Variants in PXK observed in about 807,000 individuals in gnomAD.
PXK encodes the protein PX domain-containing protein kinase-like protein.
Under a neutral mutation model 84.7 loss-of-function variants are expected in PXK, and 35 were observed. The observed-to-expected ratio is 0.41, with a 90% CI of 0.32 to 0.55. PXK has a LOEUF of 0.55. PXK is among the 20% of genes least tolerant of loss of function. The pLI, the probability that PXK is intolerant of heterozygous loss-of-function variation, is 0.21. For missense variants in PXK, 634 were observed against 699.7 expected (o/e 0.91, Z 1.06); for synonymous variants, 253 against 260.8 (o/e 0.97, Z 0.29).
At chr3:58,371,785 G>A (rs2098375817) in intron 3 of PXK, among the ~76,000 whole-genome samples, 1 of 152,178 alleles carries the variant, frequency 6.6e-6, no homozygotes, top group Non-Finnish European at 1.5e-5. Flanking sequence ...ATATCCCCAT[G>A]TATTGATGTT....
In PXK at chr3:58,346,292, G is replaced by GCAC. The variant is rs1381438512; in HGVS notation, c.102+13202_102+13203insCAC. Among the ~76,000 whole-genome samples, 414 of 152,238 alleles carry GCAC rather than the reference G, an allele frequency of 2.7e-3. 1 individual carries two copies. Among genetic ancestry groups the GCAC allele is most frequent in the African/African-American group, 9.6e-3 (400 of 41,530 alleles). On this transcript the variant is annotated intron_variant, in intron 1 of 17. Transcript: ENST00000356151. ...TTAGGAAGCTTAATTTGCTGTCTGTGTGCAAGGTGCAGTGGAAAGGGTGAA... is the reference window on the plus strand; with the variant it reads ...TTAGGAAGCTTAATTTGCTGTCTGTGCACTGCAAGGTGCAGTGGAAAGGGTGAA...
chr3:58,335,587 G>A (rs1374101227), intron 1 of PXK, among the ~76,000 whole-genome samples: 4 of 139,762 alleles, frequency 2.9e-5, no homozygotes, highest in African/African-American at 1.3e-4. Context: ...GGTAGCTGAA[G>A]GGAGATGGTG....
chr3:58,424,171 G>C (rs2062442209), intron 17 of PXK, among the ~76,000 whole-genome samples: 1 of 152,180 alleles, frequency 6.6e-6, no homozygotes, highest in African/African-American at 2.4e-5. Flanking sequence ...ATTCGAGACA[G>C]ACTCCTCTGG....
intron 3 of PXK, among the ~76,000 whole-genome samples, chr3:58,380,675 G>A (rs1478842460): frequency 6.6e-6 from 1 of 152,154 alleles, no homozygotes; most frequent in Non-Finnish European, 1.5e-5. Flanking sequence ...GCCGGGTGCA[G>A]TGGCACATGC....
At position 58,391,787 on chromosome 3, in the gene PXK, A is replaced by G. The variant is rs2098634347; in HGVS notation, c.555A>G (p.Pro185=). ...CATGTTTTCAGGCTGACCTTGGCCC[A>G]GACAAGTATTTGTCAGATAAAGATT... ...RLVLSWADLG[P]DKYLSDKDFQ... Residue 185 remains proline, a synonymous_variant, in exon 7 of 18, where the codon CCA becomes CCG. Coordinates refer to ENST00000356151, the MANE Select transcript of PXK (RefSeq NM_017771.5). 2 of 1,613,492 alleles carry G rather than the reference A, an allele frequency of 1.2e-6. No individual in the cohort carries two copies. Among genetic ancestry groups the G allele is most frequent in the African/African-American group, 1.3e-5 (1 of 74,936 alleles).
At chr3:58,381,972 T>TA (rs5849249) in intron 3 of PXK, among the ~76,000 whole-genome samples, 35,918 of 152,072 alleles carry the variant, frequency 0.24, 5,961 homozygotes, top group East Asian at 0.81. Flanking sequence ...ATTATGTTTT[T>TA]ATGTAACTTT....
rs1299545402 is a variant in PXK, at chr3:58,390,351, T to C, written c.389-231T>C. On this transcript the variant is annotated intron_variant, in intron 4 of 17. Transcript: ENST00000356151. The surrounding 1 kb of genome is among the most constrained non-coding windows in gnomAD (Gnocchi z 4.2). Reference sequence around the variant, plus strand: ...CTATTAACTATGGGCTTTATTCAGATTTTACCAGTTTTTCTGCTAGTGTAC... The same window carrying C: ...CTATTAACTATGGGCTTTATTCAGACTTTACCAGTTTTTCTGCTAGTGTAC... Among the ~76,000 whole-genome samples the C allele has an allele frequency of 6.6e-6, 1 of 152,188 alleles. No homozygotes were observed. Among genetic ancestry groups the C allele is most frequent in the Non-Finnish European group, 1.5e-5 (1 of 68,030 alleles).
intron 13 of PXK, among the ~76,000 whole-genome samples, chr3:58,408,399 A>C (rs1428602288): frequency 1.3e-5 from 2 of 152,188 alleles, no homozygotes; most frequent in Non-Finnish European, 2.9e-5. Context: ...TATCATGTTT[A>C]TTTATGTTTT....
Position 58,421,323 on chromosome 3 carries a change from T to C in PXK, c.1529-3429T>C. On this transcript the variant is annotated intron_variant, in intron 17 of 17. Transcript: ENST00000356151. The surrounding 1 kb of genome is among the most constrained non-coding windows in gnomAD (Gnocchi z 5.5). ...GGAGCCAGGCGCAGTGGCTCACATCTATAATCTCAGCACTTTGGGAGGCTG... is the reference window on the plus strand; with the variant it reads ...GGAGCCAGGCGCAGTGGCTCACATCCATAATCTCAGCACTTTGGGAGGCTG... 1.0e-6 allele frequency: 1 copy of C among 984,534 alleles called. No individual in the cohort carries two copies. The highest frequency in any genetic ancestry group is 1.7e-5 in the African/African-American group (1 of 57,286). 61.0% of individuals were successfully genotyped at this position (984,534 alleles called of 1,614,324 possible). A position where few individuals can be genotyped will look rare whatever the true frequency, so the allele number is the denominator to read the frequency against.
chr3:58,349,884 C>T (rs942624787), intron 1 of PXK, among the ~76,000 whole-genome samples: 1 of 152,182 alleles, frequency 6.6e-6, no homozygotes, highest in African/African-American at 2.4e-5. Flanking sequence ...TTGAGAAAGA[C>T]TGAGCTTAAC....
At position 58,346,680 on chromosome 3, in the gene PXK, A is replaced by G. The variant is rs146948421; in HGVS notation, c.102+13590A>G. Among the ~76,000 whole-genome samples the G allele has an allele frequency of 2.2e-4, 33 of 151,654 alleles. 1 individual carries two copies. The highest frequency in any genetic ancestry group is 8.0e-4 in the African/African-American group (33 of 41,362). On this transcript the variant is annotated intron_variant, in intron 1 of 17. Transcript: ENST00000356151. Reference sequence around the variant, plus strand: ...TTTTTCTTTTCTTTTTTTTTTTGAAACAGAGTCTCACTCTGTCACCAAGCT... The same window carrying G: ...TTTTTCTTTTCTTTTTTTTTTTGAAGCAGAGTCTCACTCTGTCACCAAGCT...
rs2060137622 is a variant in PXK at position 58,411,112 on chromosome 3, T to C, written c.1465+953T>C. On this transcript the variant is annotated intron_variant, in intron 16 of 17. Transcript: ENST00000356151. This position sits in a 1 kb window ranked among gnomAD's most constrained non-coding sequence, Gnocchi z 4.2. ...CAGAGATGTTTAGAAGGGAGGAAATTGGGGATATTCACAGGTCATGCCTCA... is the reference window on the plus strand; with the variant it reads ...CAGAGATGTTTAGAAGGGAGGAAATCGGGGATATTCACAGGTCATGCCTCA... Among the ~76,000 whole-genome samples, 1 of 151,960 alleles carries C rather than the reference T, an allele frequency of 6.6e-6. No homozygotes were observed. Among genetic ancestry groups the C allele is most frequent in the African/African-American group, 2.4e-5 (1 of 41,384 alleles).
chr3:58,368,352 T>G (rs2108487520), intron 2 of PXK, among the ~76,000 whole-genome samples: 1 of 152,132 alleles, frequency 6.6e-6, no homozygotes, highest in Middle Eastern at 3.4e-3. Flanking sequence ...AGACAGAGTC[T>G]CATTCTGTTG....
In PXK at chr3:58,409,862, G is replaced by C. The variant is rs1317755386; in HGVS notation, c.1396-228G>C. 1.3e-5 allele frequency among the ~76,000 whole-genome samples: 2 copies of C among 152,198 alleles called. No homozygotes were observed. The highest frequency in any genetic ancestry group is 2.9e-5 in the Non-Finnish European group (2 of 68,036). On this transcript the variant is annotated intron_variant, in intron 15 of 17. Transcript: ENST00000356151. The surrounding 1 kb of genome is among the most constrained non-coding windows in gnomAD (Gnocchi z 4.2). ...GGCAGATTATGGCGTAATGTAATTG[G>C]AGGAAACGATTGGCCTGAGATAGTA...
intron 17 of PXK, among the ~76,000 whole-genome samples, chr3:58,423,810 G>A (rs752968894): frequency 2.6e-5 from 2 of 76,608 alleles, no homozygotes; most frequent in Admixed American, 1.4e-4. Context: ...TTCTGAACTC[G>A]GGTGTTTATT....
At chr3:58,356,627 G>A (rs947608324) in intron 1 of PXK, among the ~76,000 whole-genome samples, 22 of 150,804 alleles carry the variant, frequency 1.5e-4, no homozygotes, top group Non-Finnish European at 2.5e-4. Context: ...TTTTTGAGAC[G>A]GAGTCTTGCT....
intron 1 of PXK, among the ~76,000 whole-genome samples, chr3:58,350,865 A>G (rs542386738): frequency 2.6e-5 from 4 of 152,194 alleles, no homozygotes; most frequent in Non-Finnish European, 1.5e-5. Flanking sequence ...ATGACACAGC[A>G]ACCTTCTCAG....
intron 17 of PXK, chr3:58,422,946 C>T (rs1010894435): frequency 1.0e-6 from 1 of 985,468 alleles, no homozygotes; most frequent in Non-Finnish European, 1.2e-6. Flanking sequence ...CCTTCTGTTA[C>T]ACTACGTGGC....
intron 13 of PXK, 111 bp from the exon 14 acceptor site, chr3:58,408,813 C>A: frequency 1.2e-6 from 1 of 803,230 alleles, no homozygotes; most frequent in Non-Finnish European, 2.1e-6. Flanking sequence ...TGAGCCACCG[C>A]GCCCGGCCGA....
Sources: allele counts gnomAD v4.1 joint callset (sites outside exome capture counted in the v4.1 genomes callset), GRCh38; gene constraint gnomAD v4.1.1; non-coding constraint Gnocchi (gnomAD v3.1); transcripts MANE v1.5; gene names NCBI Gene and HGNC (gene_info 2026-07-23, HGNC 2026-07-21).